Variants in ADAM9 observed in about 807,000 individuals in gnomAD.
The protein encoded by ADAM9 is disintegrin and metalloproteinase domain-containing protein 9.
In ADAM9, 54 loss-of-function variants were observed where a neutral mutation model predicts 108.1. The ratio of observed to expected loss-of-function variants is 0.50; its 90% CI spans 0.40 to 0.63. The LOEUF is 0.63. Ranked by LOEUF, ADAM9 falls within the 20% of genes least tolerant of loss-of-function variation. The pLI is 0.00. For synonymous variants in ADAM9, 316 were observed against 336.0 expected (o/e 0.94, Z 0.65); for missense variants, 830 against 997.7 (o/e 0.83, Z 2.26).
In ADAM9 at chr8:39,042,236, G is replaced by C. The variant is rs185768023; in HGVS notation, c.1302+119G>C. On this transcript the variant is annotated intron_variant, in intron 12 of 21. Transcript: ENST00000487273. Reference sequence around the variant, plus strand: ...AAAGTAAAATTTAGTGGCACAGTGAGGATTGTTATTTTGTTTGTATGGCTG... The same window carrying C: ...AAAGTAAAATTTAGTGGCACAGTGACGATTGTTATTTTGTTTGTATGGCTG... 1.2e-4 allele frequency: 139 copies of C among 1,118,530 alleles called. No individual in the cohort carries two copies. The African/African-American group carries it at 1.9e-3, about 15-fold the overall frequency. The allele number at this position is 1,118,530 out of a possible 1,614,324, so 69.3% of individuals were successfully genotyped here.
chr8:39,100,139 T>C (rs915318872), intron 20 of ADAM9, among the ~76,000 whole-genome samples: 1 of 151,868 alleles, frequency 6.6e-6, no homozygotes, highest in African/African-American at 2.4e-5. Context: ...TTCCAAAGTG[T>C]TGTGATTACA....
intron 18 of ADAM9, among the ~76,000 whole-genome samples, chr8:39,083,597 C>T (rs749991505): frequency 1.3e-5 from 2 of 152,070 alleles, no homozygotes; most frequent in Admixed American, 6.5e-5. Flanking sequence ...CATTGTTGGC[C>T]CTTGGCTAAT....
chr8:39,013,631 T>C (rs1339907792), intron 3 of ADAM9, among the ~76,000 whole-genome samples: 1 of 151,832 alleles, frequency 6.6e-6, no homozygotes, highest in Non-Finnish European at 1.5e-5. Context: ...GCTTCCTGAG[T>C]AGCTGGGACT....
intron 12 of ADAM9, among the ~76,000 whole-genome samples, chr8:39,052,633 G>A (rs934374707): frequency 2.0e-5 from 3 of 152,086 alleles, no homozygotes; most frequent in Admixed American, 6.6e-5. Context: ...GGCATGTGGA[G>A]TAAGCTTGGA....
chr8:38,997,598 C>T (rs949368866), intron 1 of ADAM9, among the ~76,000 whole-genome samples: 2 of 152,188 alleles, frequency 1.3e-5, no homozygotes, highest in Non-Finnish European at 2.9e-5. Context: ...GTTAATGTCG[C>T]TTGGAAAGAG....
intron 4 of ADAM9, chr8:39,014,251 G>GTT: frequency 3.5e-5 from 17 of 492,516 alleles, no homozygotes; most frequent in Middle Eastern, 5.4e-4. Flanking sequence ...AGTAGTTAAG[G>GTT]TTTTTTTTTT....
rs1181098085 is a variant in ADAM9, at chr8:39,023,211, A to G, written c.800A>G (p.Asn267Ser). 1.9e-6 allele frequency: 3 copies of G among 1,613,900 alleles called. No homozygotes were observed. Among genetic ancestry groups the G allele is most frequent in the Non-Finnish European group, 2.5e-6 (3 of 1,179,926 alleles). The change falls in exon 9 of 22, where the codon AAT becomes AGT. Residue 267 changes from asparagine (N) to serine (S), a missense_variant. Coordinates refer to ENST00000487273, the MANE Select transcript of ADAM9 (RefSeq NM_003816.3). ...IVLVGLEIWT[N>S]GNLINIVGGA... ...CTAGTTGGACTGGAGATTTGGACCA[A>G]TGGAAACCTGATCAACATAGTTGGG...
intron 12 of ADAM9, among the ~76,000 whole-genome samples, chr8:39,051,178 G>T (rs1457824463): frequency 6.6e-6 from 1 of 152,158 alleles, no homozygotes; most frequent in African/African-American, 2.4e-5. Context: ...TGAGATAGAA[G>T]GTAGTCCCTC....
At chr8:39,038,114 T>A (rs1390213497) in intron 11 of ADAM9, among the ~76,000 whole-genome samples, 1 of 152,254 alleles carries the variant, frequency 6.6e-6, no homozygotes, top group Non-Finnish European at 1.5e-5. Context: ...CATCATCATC[T>A]GTTTGGTGGA....
rs1422042588 is a variant in ADAM9 at position 39,103,704 on chromosome 8, T to C, written c.*4T>C. ...TTTATATAGTTCCCTCACTTGATTT[T>C]TTTAACCTTCTTTTTGCAAATGTCT... On this transcript the variant is annotated 3_prime_UTR_variant, in exon 22 of 22. Coordinates refer to ENST00000487273, the MANE Select transcript of ADAM9 (RefSeq NM_003816.3). 1 of 1,612,866 alleles carries C rather than the reference T, an allele frequency of 6.2e-7. No individual in the cohort carries two copies. The highest frequency in any genetic ancestry group is 1.1e-5 in the South Asian group (1 of 91,058).
chr8:39,077,215 T>C lies in ADAM9; in HGVS notation c.1698-13T>C. 6.2e-7 allele frequency: 1 copy of C among 1,613,806 alleles called. No homozygotes were observed. Among genetic ancestry groups the C allele is most frequent in the Non-Finnish European group, 8.5e-7 (1 of 1,179,720 alleles). On this transcript the variant is annotated splice_polypyrimidine_tract_variant and intron_variant, in intron 15 of 21. Coordinates refer to ENST00000487273, the MANE Select transcript of ADAM9 (RefSeq NM_003816.3). ...GATGCATTTTATGTTGCATTATTTCTCTCTCTTTATAGGAATGCTTTGTGT... is the reference window on the plus strand; with the variant it reads ...GATGCATTTTATGTTGCATTATTTCCCTCTCTTTATAGGAATGCTTTGTGT...
At chr8:39,029,318 G>C (rs150976297) in intron 11 of ADAM9, among the ~76,000 whole-genome samples, 470 of 152,064 alleles carry the variant, frequency 3.1e-3, no homozygotes, top group Non-Finnish European at 4.3e-3. Context: ...GAGGTAGAGG[G>C]ACACTGATAA....
At chr8:38,998,880 A>T (rs1364759641) in intron 1 of ADAM9, among the ~76,000 whole-genome samples, 1 of 152,198 alleles carries the variant, frequency 6.6e-6, no homozygotes, top group African/African-American at 2.4e-5. Flanking sequence ...GGTTGTTACC[A>T]GTTGGGAAGA....
intron 6 of ADAM9, chr8:39,018,639 A>G (rs1836627968): frequency 1.7e-6 from 1 of 580,690 alleles, no homozygotes; most frequent in Non-Finnish European, 3.1e-6. Context: ...GTTTATCATC[A>G]CTTAAAGTCA....
At chr8:39,092,259 T>TA (rs1839379973) in intron 20 of ADAM9, among the ~76,000 whole-genome samples, 1 of 152,068 alleles carries the variant, frequency 6.6e-6, no homozygotes, top group South Asian at 2.1e-4. Context: ...TCTCTATCGA[T>TA]AGATATAGCT....
At chr8:39,079,423 CTTTATTAGATCCATGTA>C (rs1180417332) in intron 16 of ADAM9, among the ~76,000 whole-genome samples, 1 of 151,764 alleles carries the variant, frequency 6.6e-6, no homozygotes, top group Non-Finnish European at 1.5e-5. Flanking sequence ...CTTTCCATGT[CTTTATTAGATCCATGTA>C]TTTTTTTCTG....
intron 11 of ADAM9, among the ~76,000 whole-genome samples, chr8:39,029,528 A>G (rs1288641308): frequency 6.6e-6 from 1 of 152,136 alleles, no homozygotes; most frequent in Non-Finnish European, 1.5e-5. Context: ...TGGGCTTTTC[A>G]TATATGGCCT....
At chr8:39,080,158 TTTCTA>T (rs1266770074) in intron 16 of ADAM9, among the ~76,000 whole-genome samples, 1 of 147,096 alleles carries the variant, frequency 6.8e-6, no homozygotes, top group African/African-American at 2.5e-5. Context: ...GTTGTATGTC[TTTCTA>T]TTCTGCTTGT....
chr8:39,091,278 G>A lies in ADAM9; in HGVS notation c.2230G>A (p.Ala744Thr), dbSNP rs780740542. Residue 744 changes from alanine to threonine, a missense_variant, in exon 20 of 22, where the codon GCA becomes ACA. By Grantham distance (58) the Ala-to-Thr change is moderately conservative. Around this residue, in one of 3 missense-constraint regions of ADAM9, gnomAD observed 238 missense variants for 235.7 expected, o/e 1.01. Transcript: ENST00000487273. ...TTTCAGGTCAGATGGCAAAAATCAA[G>A]CAAACCCTTCTAGACAGCCGGGGAG... ...QTYESDGKNQ[A>T]NPSRQPGSVP... 4.4e-5 allele frequency: 71 copies of A among 1,613,916 alleles called. 1 individual carries two copies. The South Asian group carries it at 7.6e-4, about 17-fold the overall frequency.
Sources: gnomAD v4.1 joint callset for allele counts (sites outside exome capture counted in the v4.1 genomes callset) on GRCh38, gnomAD v4.1.1 for gene constraint, gnomAD v4.1.1 regional missense constraint, MANE v1.5 for transcripts, NCBI Gene and HGNC (gene_info 2026-07-23, HGNC 2026-07-21) for gene names.